Variants in ELAPOR1 observed in about 807,000 individuals in gnomAD.
The protein encoded by ELAPOR1 is endosome/lysosome-associated apoptosis and autophagy regulator 1.
In ELAPOR1, 77 loss-of-function variants were observed where a neutral mutation model predicts 119.7. The observed-to-expected ratio is 0.64, with a 90% CI of 0.54 to 0.78. The LOEUF (loss-of-function observed/expected upper bound fraction) is 0.78, where lower values mean the gene tolerates loss of function less well. ELAPOR1 is among the 30% of genes least tolerant of loss of function. The pLI, the probability that ELAPOR1 is intolerant of heterozygous loss-of-function variation, is 0.00. For synonymous variants in ELAPOR1, 481 were observed against 487.2 expected (o/e 0.99, Z 0.17); for missense variants, 1,115 against 1,270.4 (o/e 0.88, Z 1.86).
Position 109,192,813 on chromosome 1 carries a change from C to T in ELAPOR1, c.1886C>T (p.Ala629Val), listed in dbSNP as rs759110804. Residue 629 changes from alanine to valine, a missense_variant, in exon 14 of 22, where the codon GCC becomes GTC. Ala to Val is a moderately conservative substitution (Grantham distance 64). Coordinates refer to ENST00000369939, the MANE Select transcript of ELAPOR1 (RefSeq NM_020775.5). ...TGCCCCACTAACACAATTCTGAAAG[C>T]CCACCAGCCTTATGGTGTCCAGGCC... ...HSCPTNTILK[A>V]HQPYGVQACV... The T allele has an allele frequency of 2.0e-5, 32 of 1,613,924 alleles. No individual in the cohort carries two copies. Among genetic ancestry groups the T allele is most frequent in the Non-Finnish European group, 2.5e-5 (30 of 1,179,996 alleles).
At position 109,191,739 on chromosome 1, in the gene ELAPOR1, G is replaced by C; in HGVS notation, c.1559G>C (p.Arg520Thr). 6.2e-7 allele frequency: 1 copy of C among 1,614,192 alleles called. No homozygotes were observed. Among genetic ancestry groups the C allele is most frequent in the Non-Finnish European group, 8.5e-7 (1 of 1,180,030 alleles). The stretch of plus-strand genomic sequence containing the variant: ...TCCTGGGTTCAGGGTGTGAATTCTA[G>C]GACCAACACTCCTGTGGAGACGTGG... ...ELYFMVGVNS[R>T]TNTPVETWKG... Residue 520 changes from arginine to threonine, a missense_variant, in exon 13 of 22, where the codon AGG becomes ACG. Transcript: ENST00000369939.
intron 21 of ELAPOR1, among the ~76,000 whole-genome samples, chr1:109,202,073 C>A (rs1390311527): frequency 6.6e-6 from 1 of 152,176 alleles, no homozygotes; most frequent in Admixed American, 6.5e-5. Flanking sequence ...GCACTCCAGC[C>A]TGGGCAACAG....
At chr1:109,154,175 G>T (rs1650712953) in intron 1 of ELAPOR1, among the ~76,000 whole-genome samples, 1 of 151,422 alleles carries the variant, frequency 6.6e-6, no homozygotes, top group Non-Finnish European at 1.5e-5. Flanking sequence ...CAGCTACTCG[G>T]GAGGTTGAGG....
At position 109,198,622 on chromosome 1, in the gene ELAPOR1, C is replaced by T. The variant is rs146869330; in HGVS notation, c.2449C>T (p.Arg817Cys). Residue 817 changes from arginine (R) to cysteine (C), a missense_variant, in exon 18 of 22, where the codon CGC (arginine) becomes TGC (cysteine). By Grantham distance (180) the Arg-to-Cys change is radical. Transcript: ENST00000369939. Reference sequence around the variant, plus strand: ...CAGTTCTGGGAGATCAACCACCATCCGCGTCAGGTGCAGTCCACAGAAAAC... The same window carrying T: ...CAGTTCTGGGAGATCAACCACCATCTGCGTCAGGTGCAGTCCACAGAAAAC... The part of the protein sequence containing the change: ...SCSSGRSTTI[R>C]VRCSPQKTVP... 3.5e-4 allele frequency: 571 copies of T among 1,613,994 alleles called. No homozygotes were observed. Among genetic ancestry groups the T allele is most frequent in the Non-Finnish European group, 4.6e-4 (544 of 1,179,980 alleles).
At chr1:109,139,467 TTCTC>T (rs1188516125) in intron 1 of ELAPOR1, among the ~76,000 whole-genome samples, 1 of 152,220 alleles carries the variant, frequency 6.6e-6, no homozygotes. Context: ...GACCACACGC[TTCTC>T]TCTCTGGGAC....
rs1241898886 is a variant in ELAPOR1, at chr1:109,202,940, T to G, written c.2974-4T>G. 1.2e-6 allele frequency: 2 copies of G among 1,613,982 alleles called. No homozygotes were observed. Among genetic ancestry groups the G allele is most frequent in the South Asian group, 1.1e-5 (1 of 91,010 alleles). ...GCCAGCTCCTGTCACCATCTCTCTTTCAGAGGACTCCTGATGGATTTGACT... is the reference window on the plus strand; with the variant it reads ...GCCAGCTCCTGTCACCATCTCTCTTGCAGAGGACTCCTGATGGATTTGACT... On this transcript the variant is annotated splice_polypyrimidine_tract_variant and splice_region_variant and intron_variant, in intron 21 of 21. Transcript: ENST00000369939.
intron 18 of ELAPOR1, among the ~76,000 whole-genome samples, chr1:109,198,910 G>T (rs1295823746): frequency 6.6e-6 from 1 of 152,248 alleles, no homozygotes; most frequent in African/African-American, 2.4e-5. Flanking sequence ...CAGCTGCGTA[G>T]CATGGTAACC....
chr1:109,189,828 A>G, intron 11 of ELAPOR1, 146 bp downstream of exon 11: 7 of 668,108 alleles, frequency 1.0e-5, no homozygotes, highest in Non-Finnish European at 1.8e-5. Context: ...GTACAGTTTG[A>G]CCGAGGTAAC....
At chr1:109,116,209 G>A (rs1229083469) in intron 1 of ELAPOR1, among the ~76,000 whole-genome samples, 1 of 152,212 alleles carries the variant, frequency 6.6e-6, no homozygotes, top group East Asian at 1.9e-4. Flanking sequence ...AAAAGGTCTT[G>A]CCACAAAGTG....
intron 1 of ELAPOR1, among the ~76,000 whole-genome samples, chr1:109,123,396 A>C (rs1648569148): frequency 6.6e-6 from 1 of 152,194 alleles, no homozygotes; most frequent in Non-Finnish European, 1.5e-5. Context: ...AAGATCTTTT[A>C]TATACTTTCA....
chr1:109,197,928 T>C, intron 16 of ELAPOR1, 51 bp from the exon 17 acceptor site: 2 of 1,466,642 alleles, frequency 1.4e-6, no homozygotes, highest in Non-Finnish European at 1.9e-6. Flanking sequence ...ATTGAAGTGG[T>C]TGCCAGCTAA....
intron 1 of ELAPOR1, among the ~76,000 whole-genome samples, chr1:109,117,848 G>A (rs1648123924): frequency 6.6e-6 from 1 of 152,104 alleles, no homozygotes. Flanking sequence ...ACTAATTCAG[G>A]GCGGGGCACA....
At chr1:109,145,802 C>T (rs992660418) in intron 1 of ELAPOR1, among the ~76,000 whole-genome samples, 6 of 152,136 alleles carry the variant, frequency 3.9e-5, no homozygotes, top group Non-Finnish European at 8.8e-5. Context: ...ACTGCAGTTG[C>T]TGGGACTACA....
chr1:109,161,867 T>C (rs1341056521), intron 1 of ELAPOR1, 27 bp from the exon 2 acceptor site: 1 of 1,592,584 alleles, frequency 6.3e-7, no homozygotes, highest in Non-Finnish European at 8.6e-7. Context: ...CTAATGCACA[T>C]TTCGCCCACT....
chr1:109,121,976 A>G (rs1425047205), intron 1 of ELAPOR1, among the ~76,000 whole-genome samples: 1 of 150,928 alleles, frequency 6.6e-6, no homozygotes, highest in East Asian at 2.0e-4. Context: ...GTTACATCAT[A>G]TTGGCTAGGC....
intron 2 of ELAPOR1, among the ~76,000 whole-genome samples, chr1:109,162,306 T>A (rs1231587264): frequency 1.3e-5 from 2 of 152,254 alleles, no homozygotes; most frequent in Non-Finnish European, 2.9e-5. Context: ...CTTTTCTGTT[T>A]GCATACATTT....
intron 1 of ELAPOR1, among the ~76,000 whole-genome samples, chr1:109,137,395 G>A (rs1284467977): frequency 1.3e-5 from 2 of 151,886 alleles, no homozygotes; most frequent in Non-Finnish European, 2.9e-5. Context: ...GTAGAAATGG[G>A]GTTTCTCTAT....
rs554368651 is a variant in ELAPOR1 at position 109,188,329 on chromosome 1, A to C, written c.1194A>C (p.Pro398=). 1.9e-4 allele frequency: 308 copies of C among 1,613,708 alleles called. 2 individuals are homozygous for C. In the South Asian group the frequency reaches 3.3e-3, roughly 17 times the overall value. The stretch of plus-strand genomic sequence containing the variant: ...ACAACAGCACCTGCCAGCCCTGCCC[A>C]TATGGTTCCTACTCCAATGGCTCAG... ...KTNNSTCQPC[P]YGSYSNGSDC... is the part of the protein sequence containing the mutation. The change falls in exon 9 of 22, where the codon CCA becomes CCC. Residue 398 remains proline, a synonymous_variant. Transcript: ENST00000369939.
intron 1 of ELAPOR1, among the ~76,000 whole-genome samples, chr1:109,143,782 G>C (rs1030185156): frequency 3.3e-5 from 5 of 151,864 alleles, no homozygotes; most frequent in Non-Finnish European, 7.4e-5. Flanking sequence ...CAGTCCTCCT[G>C]CCTCAGCTGC....
Sources: gnomAD v4.1 joint callset for allele counts (sites outside exome capture counted in the v4.1 genomes callset) on GRCh38, gnomAD v4.1.1 for gene constraint, MANE v1.5 for transcripts, NCBI Gene and HGNC (gene_info 2026-07-23, HGNC 2026-07-21) for gene names.